The following ZNF599 variants were observed in gnomAD, a reference collection of about 807,000 sequenced individuals.
ZNF599 encodes the protein zinc finger protein 599.
A neutral mutation model predicts 11.7 loss-of-function variants in ZNF599; 10 were observed. That is an observed-to-expected ratio of 0.86 (90% CI 0.53 to 1.45). The LOEUF is 1.45. Ranked by LOEUF, ZNF599 falls within the 40% of genes most tolerant of loss-of-function variation. The pLI is 0.00. For synonymous variants in ZNF599, 232 were observed against 253.2 expected, an observed-to-expected ratio of 0.92 and a Z score of 0.79; for missense variants, 688 against 713.6, an observed-to-expected ratio of 0.96 and a Z score of 0.41.
chr19:34,788,145 T>G, the ZNF599 span, among the ~76,000 whole-genome samples: 2 of 152,208 alleles, frequency 1.3e-5, no homozygotes, highest in African/African-American at 4.8e-5. Flanking sequence ...GCAAATTCTA[T>G]GGCATTTTAT....
chr19:34,792,234 C>A, the ZNF599 span, among the ~76,000 whole-genome samples: 2 of 152,296 alleles, frequency 1.3e-5, no homozygotes, highest in Admixed American at 1.3e-4. Flanking sequence ...CATTTCATAA[C>A]AGAAACTATT....
chr19:34,785,527 TG>T, the ZNF599 span, among the ~76,000 whole-genome samples: 2 of 152,170 alleles, frequency 1.3e-5, no homozygotes, highest in African/African-American at 4.8e-5. Flanking sequence ...CCCTGCTCTC[TG>T]GTAACATCAG....
At chr19:34,792,507 GAGGTAA>G in the ZNF599 span, among the ~76,000 whole-genome samples, 1 of 152,142 alleles carries the variant, frequency 6.6e-6, no homozygotes, top group East Asian at 1.9e-4. Context: ...GGGTGCAAGT[GAGGTAA>G]AGGGAATCTG....
At chr19:34,775,055 G>T (rs1001970667), upstream of ZNF599, among the ~76,000 whole-genome samples, 4 of 152,072 alleles carry the variant, frequency 2.6e-5, no homozygotes, top group Non-Finnish European at 5.9e-5. Context: ...CTCCCCCTTT[G>T]CCTTGCACCA....
In ZNF599 at chr19:34,758,868, G is replaced by C; in HGVS notation, c.*166C>G. ...GACAAGTGATTACCTGCCATAAAAA[G>C]ATTTCACAGGGACAATTCTGTTTCT... On this transcript the variant is annotated 3_prime_UTR_variant, in exon 4 of 4. Coordinates refer to ENST00000329285, the MANE Select transcript of ZNF599 (RefSeq NM_001007248.3). 6.0e-6 allele frequency: 4 copies of C among 671,268 alleles called. No individual in the cohort carries two copies. The highest frequency in any genetic ancestry group is 9.8e-6 in the Non-Finnish European group (4 of 408,166). The allele number at this position is 671,268 out of a possible 1,614,324, so 41.6% of individuals were successfully genotyped here.
At chr19:34,767,028 C>T (rs1402094078) in intron 3 of ZNF599, 1 of 324,564 alleles carries the variant, frequency 3.1e-6, no homozygotes, top group African/African-American at 2.1e-5. Context: ...TTAACTCAGC[C>T]TAACTTATAT....
At chr19:34,767,432 G>A (rs778053741) in intron 2 of ZNF599, 21 bp from the exon 3 acceptor site, 1 of 1,586,998 alleles carries the variant, frequency 6.3e-7, no homozygotes, top group East Asian at 2.2e-5. Flanking sequence ...AGAAACAAAT[G>A]GAGTATGGTG....
chr19:34,799,983 G>T, the ZNF599 span, among the ~76,000 whole-genome samples: 8 of 152,228 alleles, frequency 5.3e-5, no homozygotes, highest in Non-Finnish European at 8.8e-5. Context: ...CACTTTAATA[G>T]ATGTGTAGGC....
chr19:34,765,416 T>C, intron 3 of ZNF599: 1 of 616,562 alleles, frequency 1.6e-6, no homozygotes, highest in Non-Finnish European at 2.9e-6. Context: ...ATGAGCTGCC[T>C]ATGACACGCC....
Position 34,759,847 on chromosome 19 carries a change from T to C in ZNF599, c.954A>G (p.Lys318=). 1 of 1,614,112 alleles carries C rather than the reference T, an allele frequency of 6.2e-7. No homozygotes were observed. The highest frequency in any genetic ancestry group is 8.5e-7 in the Non-Finnish European group (1 of 1,180,006). Residue 318 remains lysine, a synonymous_variant, in exon 4 of 4, where the codon AAA becomes AAG. Transcript: ENST00000329285. The stretch of plus-strand genomic sequence containing the variant: ...CAAATGAGGAGCTGTAGTAAAAAGC[T>C]TTCCCACATTCTTTGCATAAAAAGG... ...EKPFLCKECG[K]AFYYSSSFAQ... is the part of the protein sequence containing the mutation.
At chr19:34,765,394 T>C (rs1053782160) in intron 3 of ZNF599, 1 of 585,558 alleles carries the variant, frequency 1.7e-6, no homozygotes, top group Non-Finnish European at 3.0e-6. Flanking sequence ...GAGCTGATGG[T>C]GATGATGAGC....
At chr19:34,797,016 G>A in the ZNF599 span, among the ~76,000 whole-genome samples, 3 of 139,640 alleles carry the variant, frequency 2.1e-5, no homozygotes, top group African/African-American at 5.4e-5. Context: ...TCCTGTGTCC[G>A]TGTGTTCTCA....
rs2069094326 is a variant in ZNF599 at position 34,759,475 on chromosome 19, C to T, written c.1326G>A (p.Met442Ile). The change falls in exon 4 of 4, where the codon ATG becomes ATA. Residue 442 changes from methionine (M) to isoleucine (I), a missense_variant. By Grantham distance (10) the Met-to-Ile change is conservative. Transcript: ENST00000329285. ...AAGGCTTCTCACCAGTGTGAATCCT[C>T]ATATGTTGAATTAAGGAAGAGCTGT... The part of the protein sequence containing the change: ...FCDSSSLIQH[M>I]RIHTGEKPYE... 2 of 1,614,100 alleles carry T rather than the reference C, an allele frequency of 1.2e-6. No homozygotes were observed. Among genetic ancestry groups the T allele is most frequent in the East Asian group, 4.5e-5 (2 of 44,884 alleles).
In ZNF599 at chr19:34,759,572, A is replaced by C. The variant is rs765204101; in HGVS notation, c.1229T>G (p.Phe410Cys). 3 of 1,613,872 alleles carry C rather than the reference A, an allele frequency of 1.9e-6. No homozygotes were observed. The highest frequency in any genetic ancestry group is 2.5e-6 in the Non-Finnish European group (3 of 1,179,934). ...GGTATGGGTCCTCTTATGTCGGATG[A>C]AAGTGGAGCGATGAGTAAAGGCCTT... Reference protein sequence around the residue: ...CGKAFTHRSTFIRHKRTHTGE... With the variant: ...CGKAFTHRSTCIRHKRTHTGE... Residue 410 changes from phenylalanine to cysteine, a missense_variant, in exon 4 of 4, where the codon TTC becomes TGC. Coordinates refer to ENST00000329285, the MANE Select transcript of ZNF599 (RefSeq NM_001007248.3).
At position 34,761,169 on chromosome 19, in the gene ZNF599, G is replaced by A. The variant is rs1261370572; in HGVS notation, c.242-610C>T. On this transcript the variant is annotated intron_variant, in intron 3 of 3. Coordinates refer to ENST00000329285, the MANE Select transcript of ZNF599 (RefSeq NM_001007248.3). ...TGGAAAGGCAGGCAGAGACAGAGAA[G>A]AAACAGACTCTCAGGATTCTCACCT... Among the ~76,000 whole-genome samples, 2 of 152,278 alleles carry A rather than the reference G, an allele frequency of 1.3e-5. 1 individual carries two copies. The highest frequency in any genetic ancestry group is 3.9e-4 in the East Asian group (2 of 5,188).
upstream of ZNF599, among the ~76,000 whole-genome samples, chr19:34,776,323 A>C (rs2069216622): frequency 6.6e-6 from 1 of 152,220 alleles, no homozygotes; most frequent in African/African-American, 2.4e-5. Flanking sequence ...TTCATACAGA[A>C]TTCATATATT....
At chr19:34,773,372 C>T (rs1177300185), upstream of ZNF599, 1 of 152,022 alleles carries the variant, frequency 6.6e-6, no homozygotes, top group African/African-American at 2.4e-5. Flanking sequence ...GGTGAGGCGG[C>T]TTCTCAAGGC....
At chr19:34,801,646 T>A in the ZNF599 span, among the ~76,000 whole-genome samples, 1 of 152,252 alleles carries the variant, frequency 6.6e-6, no homozygotes, top group Non-Finnish European at 1.5e-5. Context: ...CTTTCCTGAG[T>A]TCACTGCACT....
At position 34,772,859 on chromosome 19, in the gene ZNF599, T is replaced by A. The variant is rs762323702; in HGVS notation, c.-18A>T. On this transcript the variant is annotated 5_prime_UTR_variant, in exon 1 of 4. Transcript: ENST00000329285. ...GCCGCCATGGGCCCAGGGGGCTGGG[T>A]GAGGCCGTGAGAGTCGGCGAGGAAG... The A allele has an allele frequency of 7.2e-5, 105 of 1,458,100 alleles. No homozygotes were observed. Among genetic ancestry groups the A allele is most frequent in the Non-Finnish European group, 8.6e-5 (96 of 1,109,992 alleles). The allele number at this position is 1,458,100 out of a possible 1,614,324, so 90.3% of individuals were successfully genotyped here.
Sources: allele counts gnomAD v4.1 joint callset (sites outside exome capture counted in the v4.1 genomes callset), GRCh38; gene constraint gnomAD v4.1.1; transcripts MANE v1.5; gene names NCBI Gene and HGNC (gene_info 2026-07-23, HGNC 2026-07-21).